Variants in CNTN4 observed in about 807,000 individuals in gnomAD.
The protein encoded by CNTN4 is contactin 4.
In CNTN4, 77 loss-of-function variants were observed where a neutral mutation model predicts 122.5. The ratio of observed to expected loss-of-function variants is 0.63; its 90% CI spans 0.52 to 0.76. The LOEUF (loss-of-function observed/expected upper bound fraction) is 0.76, where lower values mean the gene tolerates loss of function less well. Among genes scored for constraint, CNTN4 ranks in the 30% least tolerant of loss-of-function variants. The probability of loss-of-function intolerance (pLI) is 0.00; values close to 1 mark genes in which losing one functional copy is unlikely to be tolerated. For missense variants in CNTN4, 1,256 were observed against 1,259.1 expected (o/e 1.00, Z 0.04); for synonymous variants, 512 against 447.0 (o/e 1.15, Z -1.83).
At chr3:2,955,286 A>C (rs1033261467) in intron 13 of CNTN4, among the ~76,000 whole-genome samples, 1 of 152,176 alleles carries the variant, frequency 6.6e-6, no homozygotes, top group African/African-American at 2.4e-5. Context: ...AGTGCACCTA[A>C]ATCTTATTTA....
chr3:2,215,925 T>C (rs1255923707), intron 2 of CNTN4, among the ~76,000 whole-genome samples: 1 of 143,442 alleles, frequency 7.0e-6, no homozygotes, highest in African/African-American at 2.6e-5. Context: ...CTTAAACTTC[T>C]ACACTTTTGG....
intron 2 of CNTN4, among the ~76,000 whole-genome samples, chr3:2,287,210 A>G (rs1006217988): frequency 2.0e-5 from 3 of 152,210 alleles, no homozygotes; most frequent in South Asian, 2.1e-4. Context: ...AATTTATGCC[A>G]TTATACACAT....
rs73019060 is a variant in CNTN4 at position 2,238,060 on chromosome 3, T to C, written c.-144-101118T>C. 5.0e-3 allele frequency among the ~76,000 whole-genome samples: 764 copies of C among 151,800 alleles called. 3 individuals are homozygous for C. The highest frequency in any genetic ancestry group is 8.7e-3 in the Non-Finnish European group (591 of 67,840). ...AACCAGTGATACCCCTGGAAAGTAA[T>C]TGACTAAAGAAAAAAAAAAGTCCAG... is the stretch of plus-strand genomic sequence containing the variant. On this transcript the variant is annotated intron_variant, in intron 2 of 24. Transcript: ENST00000418658.
chr3:2,807,050 T>C (rs1576868011), intron 6 of CNTN4, among the ~76,000 whole-genome samples: 1 of 152,324 alleles, frequency 6.6e-6, no homozygotes, highest in East Asian at 1.9e-4. Context: ...AGAGAGATTT[T>C]TGCTTTGTTT....
intron 5 of CNTN4, among the ~76,000 whole-genome samples, chr3:2,739,372 A>G (rs1371649544): frequency 2.6e-5 from 4 of 152,142 alleles, no homozygotes; most frequent in Non-Finnish European, 4.4e-5. Flanking sequence ...TCCAGTGTAT[A>G]TGATTATGTT....
intron 2 of CNTN4, among the ~76,000 whole-genome samples, chr3:2,168,604 A>C (rs1054596462): frequency 2.0e-5 from 3 of 152,146 alleles, no homozygotes; most frequent in African/African-American, 7.2e-5. Flanking sequence ...ATTTAAAAGT[A>C]GAAATTAATG....
At chr3:2,639,354 T>G (rs11129228) in intron 4 of CNTN4, among the ~76,000 whole-genome samples, 20,591 of 152,166 alleles carry the variant, frequency 0.14, 1,482 homozygotes, top group South Asian at 0.24. Context: ...CATCAGGCTA[T>G]GGTCTACTAC....
intron 3 of CNTN4, among the ~76,000 whole-genome samples, chr3:2,518,885 A>G (rs561028146): frequency 6.6e-6 from 1 of 152,118 alleles, no homozygotes; most frequent in African/African-American, 2.4e-5. Flanking sequence ...TTTACATGGG[A>G]GCCGCCACAG....
intron 7 of CNTN4, among the ~76,000 whole-genome samples, chr3:2,844,101 G>A (rs1055601050): frequency 2.0e-5 from 3 of 152,160 alleles, no homozygotes; most frequent in Non-Finnish European, 4.4e-5. Context: ...GCCTTTGTGA[G>A]TGTTGCTCCC....
At chr3:2,359,017 C>T (rs1575454745) in intron 3 of CNTN4, among the ~76,000 whole-genome samples, 1 of 152,130 alleles carries the variant, frequency 6.6e-6, no homozygotes, top group East Asian at 1.9e-4. Context: ...ATAAATATGT[C>T]ATAGTTATAT....
chr3:2,762,796 G>A (rs2090649255), intron 6 of CNTN4, among the ~76,000 whole-genome samples: 3 of 151,990 alleles, frequency 2.0e-5, no homozygotes, highest in Admixed American at 2.0e-4. Flanking sequence ...CCCAGCAATA[G>A]TATATAAGTC....
rs192996128 is a variant in CNTN4 at position 2,562,170 on chromosome 3, T to A, written c.-88-9246T>A. Among the ~76,000 whole-genome samples, 11 of 152,352 alleles carry A rather than the reference T, an allele frequency of 7.2e-5. No individual in the cohort carries two copies. In the East Asian group the frequency reaches 2.1e-3, roughly 29 times the overall value. On this transcript the variant is annotated intron_variant, in intron 3 of 24. Coordinates refer to ENST00000418658, the MANE Select transcript of CNTN4 (RefSeq NM_175607.3). ...TTCTAATAATAAGGCTACATATACC[T>A]ATTTGGGAGAAATTCAACAGAGTGT...
chr3:2,726,754 A>G (rs557188341), intron 4 of CNTN4, among the ~76,000 whole-genome samples: 10 of 152,302 alleles, frequency 6.6e-5, no homozygotes, highest in African/African-American at 2.4e-4. Context: ...GTAATGGTGG[A>G]TCCATGTCCT....
rs144229277 is a variant in CNTN4, at chr3:2,478,049, T to C, written c.-88-93367T>C. ...TAGAAAATACCTTGAAATAGACTTT[T>C]AGATATTTCCTATTTTATCTTCAAT... is the stretch of plus-strand genomic sequence containing the variant. On this transcript the variant is annotated intron_variant, in intron 3 of 24. Coordinates refer to ENST00000418658, the MANE Select transcript of CNTN4 (RefSeq NM_175607.3). Among the ~76,000 whole-genome samples, 111 of 152,338 alleles carry C rather than the reference T, an allele frequency of 7.3e-4. 2 individuals carry two copies. The highest frequency in any genetic ancestry group is 2.5e-3 in the African/African-American group (106 of 41,584).
At chr3:2,770,055 A>C (rs2091024722) in intron 6 of CNTN4, among the ~76,000 whole-genome samples, 1 of 148,614 alleles carries the variant, frequency 6.7e-6, no homozygotes, top group African/African-American at 2.5e-5. Context: ...TTTGAGACGA[A>C]GTGTCACTCT....
chr3:2,935,606 A>G (rs1245354605), intron 13 of CNTN4, among the ~76,000 whole-genome samples: 2 of 152,256 alleles, frequency 1.3e-5, no homozygotes, highest in South Asian at 2.1e-4. Context: ...GATTATGAAC[A>G]TAACCTAATT....
intron 12 of CNTN4, among the ~76,000 whole-genome samples, chr3:2,915,730 C>A (rs62232788): frequency 6.6e-6 from 1 of 151,940 alleles, no homozygotes; most frequent in South Asian, 2.1e-4. Flanking sequence ...AAACAGCATC[C>A]TGAAGAGAGA....
chr3:2,256,842 A>G (rs1352038206), intron 2 of CNTN4, among the ~76,000 whole-genome samples: 1 of 152,222 alleles, frequency 6.6e-6, no homozygotes, highest in East Asian at 1.9e-4. Flanking sequence ...AAGAATCAAT[A>G]TCATGAAAAT....
At chr3:2,310,496 C>T (rs1434280490) in intron 2 of CNTN4, among the ~76,000 whole-genome samples, 1 of 152,158 alleles carries the variant, frequency 6.6e-6, no homozygotes, top group Non-Finnish European at 1.5e-5. Flanking sequence ...CCTATGGAGA[C>T]ATTTGCAGCA....
Sources: gnomAD v4.1 joint callset for allele counts (sites outside exome capture counted in the v4.1 genomes callset) on GRCh38, gnomAD v4.1.1 for gene constraint, MANE v1.5 for transcripts, NCBI Gene and HGNC (gene_info 2026-07-23, HGNC 2026-07-21) for gene names.